Variants in ZNF521 observed in about 807,000 individuals in gnomAD.
The protein encoded by ZNF521 is zinc finger protein 521.
In ZNF521, 14 loss-of-function variants were observed where a neutral mutation model predicts 105.5. The ratio of observed to expected loss-of-function variants is 0.13; its 90% CI spans 0.09 to 0.21. ZNF521 has a LOEUF of 0.21. Among genes scored for constraint, ZNF521 ranks in the 10% least tolerant of loss-of-function variants. The pLI, the probability that ZNF521 is intolerant of heterozygous loss-of-function variation, is 1.00. For missense variants in ZNF521, 1,233 were observed against 1,629.7 expected (o/e 0.76, Z 4.19); for synonymous variants, 635 against 606.0 (o/e 1.05, Z -0.70).
At position 25,322,172 on chromosome 18, in the gene ZNF521, A is replaced by G. The variant is rs747881763; in HGVS notation, c.56T>C (p.Leu19Pro). The G allele has an allele frequency of 2.5e-6, 4 of 1,614,132 alleles. No individual in the cohort carries two copies. The highest frequency in any genetic ancestry group is 4.5e-5 in the East Asian group (2 of 44,880). Residue 19 changes from leucine (L) to proline (P), a missense_variant, in exon 3 of 8, where the codon CTT becomes CCT. Around this residue, in one of 6 missense-constraint regions of ZNF521, gnomAD observed 76 missense variants for 79.3 expected, o/e 0.96. Transcript: ENST00000361524. ...PRSLKDPNCK[L>P]EDKTEDGEAL... ...CTCTCCATCTTCAGTCTTGTCTTCA[A>G]GTTTACAGTTGGGGTCTGAAAAATA...
At chr18:25,133,468 A>T (rs2034677066) in intron 5 of ZNF521, among the ~76,000 whole-genome samples, 1 of 152,138 alleles carries the variant, frequency 6.6e-6, no homozygotes, top group Non-Finnish European at 1.5e-5. Context: ...TGACTTTTCA[A>T]ATTCTTTAAG....
At chr18:25,305,673 A>C (rs1324522678) in intron 3 of ZNF521, among the ~76,000 whole-genome samples, 1 of 152,202 alleles carries the variant, frequency 6.6e-6, no homozygotes, top group African/African-American at 2.4e-5. Context: ...CAACAATAAC[A>C]CATTAATTCT....
At chr18:25,348,351 G>T (rs1162748795) in intron 2 of ZNF521, among the ~76,000 whole-genome samples, 1 of 152,026 alleles carries the variant, frequency 6.6e-6, no homozygotes, top group Non-Finnish European at 1.5e-5. Context: ...TGAAGAGAAG[G>T]CTAGGTATTT....
chr18:25,322,093 A>G lies in ZNF521; in HGVS notation c.135T>C (p.Ala45=). 2 of 1,614,198 alleles carry G rather than the reference A, an allele frequency of 1.2e-6. No individual in the cohort carries two copies. The highest frequency in any genetic ancestry group is 1.3e-5 in the African/African-American group (1 of 75,054). ...GGAGGCAGCTGTCACAGCTGTGCACAGCTTCGTCTTCCAACTCCTCCCCGT... is the reference window on the plus strand; with the variant it reads ...GGAGGCAGCTGTCACAGCTGTGCACGGCTTCGTCTTCCAACTCCTCCCCGT... The part of the protein sequence containing the change: ...PEDGEELEDE[A]VHSCDSCLQV... Residue 45 remains alanine, a synonymous_variant, in exon 3 of 8, where the codon GCT becomes GCC. Transcript: ENST00000361524.
In ZNF521 at chr18:25,086,355, G is replaced by A. The variant is rs889739987; in HGVS notation, c.3906+3110C>T. On this transcript the variant is annotated intron_variant, in intron 7 of 7. Coordinates refer to ENST00000361524, the MANE Select transcript of ZNF521 (RefSeq NM_015461.3). ...ACATTAATTCCATCCTCTAAGCACTGGTATAAATGCAATTTGGGTAATGAA... is the reference window on the plus strand; with the variant it reads ...ACATTAATTCCATCCTCTAAGCACTAGTATAAATGCAATTTGGGTAATGAA... Among the ~76,000 whole-genome samples, 21 of 151,982 alleles carry A rather than the reference G, an allele frequency of 1.4e-4. No individual in the cohort carries two copies. The East Asian group carries it at 3.7e-3, about 27-fold the overall frequency.
chr18:25,197,491 A>T (rs1337237272), intron 4 of ZNF521, among the ~76,000 whole-genome samples: 1 of 151,836 alleles, frequency 6.6e-6, no homozygotes, highest in Non-Finnish European at 1.5e-5. Flanking sequence ...AGCATATCTC[A>T]TTATAATTAT....
intron 3 of ZNF521, among the ~76,000 whole-genome samples, chr18:25,274,329 T>G (rs1002766185): frequency 2.0e-5 from 3 of 152,210 alleles, no homozygotes; most frequent in African/African-American, 7.2e-5. Flanking sequence ...TATGTAGATA[T>G]GACACGACCA....
At chr18:25,093,481 A>G (rs943965389) in intron 5 of ZNF521, among the ~76,000 whole-genome samples, 6 of 152,244 alleles carry the variant, frequency 3.9e-5, no homozygotes, top group African/African-American at 1.4e-4. Context: ...ATGCATGTGT[A>G]AGTCCTCTGC....
At chr18:25,251,706 A>G (rs1908130848) in intron 3 of ZNF521, among the ~76,000 whole-genome samples, 1 of 152,214 alleles carries the variant, frequency 6.6e-6, no homozygotes, top group Non-Finnish European at 1.5e-5. Flanking sequence ...CATCCACTAT[A>G]CAGGCCAACG....
chr18:25,192,976 T>C (rs1301948938), intron 5 of ZNF521, among the ~76,000 whole-genome samples: 1 of 152,064 alleles, frequency 6.6e-6, no homozygotes, highest in Non-Finnish European at 1.5e-5. Flanking sequence ...GAATTACATA[T>C]TTTTATTATT....
intron 5 of ZNF521, among the ~76,000 whole-genome samples, chr18:25,183,369 T>TA (rs1481279923): frequency 6.6e-6 from 1 of 152,178 alleles, no homozygotes; most frequent in Admixed American, 6.6e-5. Context: ...GTTAGTACTC[T>TA]ATGTAATTAA....
chr18:25,153,434 G>A (rs1040167886), intron 5 of ZNF521, among the ~76,000 whole-genome samples: 1 of 152,074 alleles, frequency 6.6e-6, no homozygotes, highest in African/African-American at 2.4e-5. Context: ...TGACAACATG[G>A]CTTCAGGTTG....
chr18:25,192,105 C>T (rs4131293), intron 5 of ZNF521, among the ~76,000 whole-genome samples: 78,837 of 151,908 alleles, frequency 0.52, 21,302 homozygotes, highest in African/African-American at 0.67. Flanking sequence ...GCTCTTTTTG[C>T]GTGTGTGTAA....
chr18:25,098,606 A>T (rs1341971038), intron 5 of ZNF521, among the ~76,000 whole-genome samples: 2 of 152,158 alleles, frequency 1.3e-5, no homozygotes, highest in African/African-American at 2.4e-5. Context: ...AAGGGCAGGG[A>T]TAAGGACGGG....
chr18:25,128,430 T>A (rs2034577071), intron 5 of ZNF521, among the ~76,000 whole-genome samples: 1 of 151,958 alleles, frequency 6.6e-6, no homozygotes, highest in African/African-American at 2.4e-5. Context: ...CCTCTCAACA[T>A]TCCCTTTCAA....
At position 25,171,631 on chromosome 18, in the gene ZNF521, G is replaced by A. The variant is rs189951462; in HGVS notation, c.3658+23529C>T. Among the ~76,000 whole-genome samples the A allele has an allele frequency of 6.5e-3, 987 of 152,174 alleles. 3 individuals carry two copies. Among genetic ancestry groups the A allele is most frequent in the Non-Finnish European group, 0.011 (718 of 67,942 alleles). On this transcript the variant is annotated intron_variant, in intron 5 of 7. Transcript: ENST00000361524. ...ACCGTTATATTCATGAGACTACTGT[G>A]CTTCTGTCTACTGAAATCCAATACA...
At chr18:25,306,566 G>T (rs141887910) in intron 3 of ZNF521, among the ~76,000 whole-genome samples, 20 of 152,198 alleles carry the variant, frequency 1.3e-4, no homozygotes, top group African/African-American at 4.8e-4. Flanking sequence ...ATTAAACCTT[G>T]TATGTCAAAA....
intron 3 of ZNF521, among the ~76,000 whole-genome samples, chr18:25,292,356 T>C (rs1465030153): frequency 6.6e-6 from 1 of 152,232 alleles, no homozygotes; most frequent in Non-Finnish European, 1.5e-5. Context: ...CTGTACCATG[T>C]CACTGCACTT....
At chr18:25,093,674 G>C (rs2033795595) in intron 5 of ZNF521, among the ~76,000 whole-genome samples, 1 of 152,120 alleles carries the variant, frequency 6.6e-6, no homozygotes, top group Non-Finnish European at 1.5e-5. Context: ...ACCCAGTACT[G>C]TCTACATTTC....
Sources: allele counts gnomAD v4.1 joint callset (sites outside exome capture counted in the v4.1 genomes callset), GRCh38; gene constraint gnomAD v4.1.1; regional missense constraint gnomAD v4.1.1; transcripts MANE v1.5; gene names NCBI Gene and HGNC (gene_info 2026-07-23, HGNC 2026-07-21).